Variants in FBXL7 observed in about 807,000 individuals in gnomAD.
The protein encoded by FBXL7 is F-box/LRR-repeat protein 7.
FBXL7 carries 12 observed loss-of-function variants against 38.3 expected under a neutral mutation model. The ratio of observed to expected loss-of-function variants is 0.31; its 90% CI spans 0.20 to 0.51. The LOEUF is 0.51. FBXL7 is among the 20% of genes least tolerant of loss of function. FBXL7 has a pLI of 0.98. For synonymous variants in FBXL7, 297 were observed against 300.9 expected (o/e 0.99, Z 0.13); for missense variants, 567 against 676.4 (o/e 0.84, Z 1.79).
chr5:15,716,104 A>G (rs576880027), intron 2 of FBXL7, among the ~76,000 whole-genome samples: 1 of 152,302 alleles, frequency 6.6e-6, no homozygotes, highest in African/African-American at 2.4e-5. Context: ...TCATCAAACA[A>G]TGTCTACAGA....
rs746695934 is a variant in FBXL7 at position 15,936,856 on chromosome 5, C to T, written c.1146C>T (p.Asn382=). ...AKYCSKLRYL[N]ARGCEGITDH... is the part of the protein sequence containing the mutation. The stretch of plus-strand genomic sequence containing the variant: ...ACTGCAGCAAGCTGCGCTACCTCAA[C>T]GCGAGGGGCTGCGAGGGCATCACGG... Residue 382 remains asparagine, a synonymous_variant, in exon 4 of 4, where the codon AAC becomes AAT. Coordinates refer to ENST00000504595, the MANE Select transcript of FBXL7 (RefSeq NM_012304.5). This position sits in a 1 kb window ranked among gnomAD's most constrained non-coding sequence, Gnocchi z 6.0. 2 of 1,613,854 alleles carry T rather than the reference C, an allele frequency of 1.2e-6. No homozygotes were observed. The highest frequency in any genetic ancestry group is 8.5e-7 in the Non-Finnish European group (1 of 1,179,816).
chr5:15,633,739 A>ATATTAT (rs35409501), intron 2 of FBXL7, among the ~76,000 whole-genome samples: 2,570 of 143,390 alleles, frequency 0.018, 24 homozygotes, highest in African/African-American at 0.027. Context: ...AGGGACACAG[A>ATATTAT]TATTATTATT....
chr5:15,573,638 G>T (rs774563297), intron 1 of FBXL7, among the ~76,000 whole-genome samples: 9 of 152,148 alleles, frequency 5.9e-5, no homozygotes, highest in Non-Finnish European at 1.3e-4. Flanking sequence ...AGATGTTCTT[G>T]TTAAGCAGTG....
At chr5:15,639,980 G>A (rs1231503048) in intron 2 of FBXL7, among the ~76,000 whole-genome samples, 10 of 152,058 alleles carry the variant, frequency 6.6e-5, no homozygotes, top group Admixed American at 6.5e-4. Flanking sequence ...GGCAGGGGCA[G>A]TTATCCTAGG....
At chr5:15,898,737 A>G (rs1405479010) in intron 2 of FBXL7, among the ~76,000 whole-genome samples, 2 of 152,226 alleles carry the variant, frequency 1.3e-5, no homozygotes, top group Non-Finnish European at 2.9e-5. Context: ...CTAATCCATT[A>G]TGCCCATAGA....
intron 2 of FBXL7, among the ~76,000 whole-genome samples, chr5:15,899,050 A>G (rs1383323692): frequency 3.3e-5 from 5 of 152,144 alleles, no homozygotes; most frequent in Non-Finnish European, 7.3e-5. Flanking sequence ...CACACATTCT[A>G]TCAATCATTA....
At chr5:15,620,419 T>TG (rs932104571) in intron 2 of FBXL7, among the ~76,000 whole-genome samples, 18 of 150,864 alleles carry the variant, frequency 1.2e-4, no homozygotes, top group Admixed American at 6.6e-5. Context: ...TTTTGTTTTT[T>TG]TTTTTTTTTA....
At chr5:15,864,027 A>G (rs1304969203) in intron 2 of FBXL7, among the ~76,000 whole-genome samples, 3 of 152,052 alleles carry the variant, frequency 2.0e-5, no homozygotes, top group Admixed American at 6.5e-5. Flanking sequence ...ATGGATGAAA[A>G]TAAGATTATC....
intron 1 of FBXL7, among the ~76,000 whole-genome samples, chr5:15,572,564 A>T (rs1738826814): frequency 6.6e-6 from 1 of 152,090 alleles, no homozygotes; most frequent in Non-Finnish European, 1.5e-5. Flanking sequence ...TGACTTTGAA[A>T]AAGCAGGTTG....
At chr5:15,833,705 C>T (rs982303011) in intron 2 of FBXL7, among the ~76,000 whole-genome samples, 1 of 152,182 alleles carries the variant, frequency 6.6e-6, no homozygotes, top group Non-Finnish European at 1.5e-5. Flanking sequence ...GACCCATATT[C>T]AAGCTAAGAG....
At chr5:15,834,237 G>T (rs1266728937) in intron 2 of FBXL7, among the ~76,000 whole-genome samples, 4 of 152,124 alleles carry the variant, frequency 2.6e-5, no homozygotes, top group Non-Finnish European at 5.9e-5. Context: ...CTTATCTAGG[G>T]AACGTAACTT....
intron 2 of FBXL7, among the ~76,000 whole-genome samples, chr5:15,669,220 C>T (rs751148780): frequency 6.6e-6 from 1 of 152,034 alleles, no homozygotes; most frequent in East Asian, 1.9e-4. Context: ...TCAAAAGCAT[C>T]CAAGTGTAGA....
At position 15,567,016 on chromosome 5, in the gene FBXL7, A is replaced by G. The variant is rs181173509; in HGVS notation, c.38-48967A>G. Among the ~76,000 whole-genome samples the G allele has an allele frequency of 3.9e-5, 6 of 152,290 alleles. No individual in the cohort carries two copies. The South Asian group carries it at 1.2e-3, about 32-fold the overall frequency. The stretch of plus-strand genomic sequence containing the variant: ...ACTTTTGTCAAAGGGATGTGCATCT[A>G]CTACTGCTCATCTGCTTCATATGAT... On this transcript the variant is annotated intron_variant, in intron 1 of 3. Transcript: ENST00000504595.
At chr5:15,804,732 G>A (rs1328230568) in intron 2 of FBXL7, among the ~76,000 whole-genome samples, 2 of 152,094 alleles carry the variant, frequency 1.3e-5, no homozygotes, top group African/African-American at 4.8e-5. Flanking sequence ...ACAGGAGTGA[G>A]AACCTGATTG....
At chr5:15,737,915 G>A (rs758155261) in intron 2 of FBXL7, among the ~76,000 whole-genome samples, 11 of 152,100 alleles carry the variant, frequency 7.2e-5, no homozygotes, top group Non-Finnish European at 1.5e-4. Flanking sequence ...CTGACATCAT[G>A]GGACCCCAGA....
intron 2 of FBXL7, among the ~76,000 whole-genome samples, chr5:15,784,852 A>G (rs1223013122): frequency 1.3e-5 from 2 of 152,214 alleles, no homozygotes; most frequent in Non-Finnish European, 2.9e-5. Flanking sequence ...ATATTTCTTT[A>G]TAGCAGTGCA....
chr5:15,674,047 C>A (rs982034452), intron 2 of FBXL7, among the ~76,000 whole-genome samples: 2 of 152,152 alleles, frequency 1.3e-5, no homozygotes, highest in Non-Finnish European at 2.9e-5. Flanking sequence ...GCTTTAGAGC[C>A]TTTCAGGTTA....
At chr5:15,685,194 G>A (rs184136954) in intron 2 of FBXL7, among the ~76,000 whole-genome samples, 128 of 152,234 alleles carry the variant, frequency 8.4e-4, no homozygotes, top group Non-Finnish European at 1.6e-3. Context: ...TGTAGTTGGG[G>A]CAATAATTTT....
At chr5:15,883,352 C>A (rs1740540190) in intron 2 of FBXL7, among the ~76,000 whole-genome samples, 1 of 151,846 alleles carries the variant, frequency 6.6e-6, no homozygotes. Context: ...AAAATACTAC[C>A]ATTTTGCCCC....
Sources: allele counts gnomAD v4.1 joint callset (sites outside exome capture counted in the v4.1 genomes callset), GRCh38; gene constraint gnomAD v4.1.1; non-coding constraint Gnocchi (gnomAD v3.1); transcripts MANE v1.5; gene names NCBI Gene and HGNC (gene_info 2026-07-23, HGNC 2026-07-21).